PABPC4L: variants seen among roughly 807,000 people sequenced by gnomAD.
PABPC4L encodes polyadenylate-binding protein 4-like.
For missense variants in PABPC4L, 452 were observed against 451.4 expected, an observed-to-expected ratio of 1.00 and a Z score of -0.01; for synonymous variants, 169 against 164.1, an observed-to-expected ratio of 1.03 and a Z score of -0.23.
the PABPC4L span, among the ~76,000 whole-genome samples, chr4:134,048,781 T>C: frequency 1.3e-5 from 2 of 152,050 alleles, no homozygotes; most frequent in African/African-American, 4.8e-5. Context: ...TTTAATTATG[T>C]GATGTTCCAG....
At chr4:133,979,125 A>C in the PABPC4L span, among the ~76,000 whole-genome samples, 1 of 152,180 alleles carries the variant, frequency 6.6e-6, no homozygotes, top group Non-Finnish European at 1.5e-5. Context: ...TGATATCGAA[A>C]AGATCTAACA....
the PABPC4L span, among the ~76,000 whole-genome samples, chr4:134,043,940 CTG>C: frequency 1.1e-4 from 17 of 149,500 alleles, no homozygotes; most frequent in South Asian, 3.6e-3. Context: ...CGACGGATGT[CTG>C]TGTGTGTGTG....
chr4:134,083,817 A>T, the PABPC4L span, among the ~76,000 whole-genome samples: 1 of 152,164 alleles, frequency 6.6e-6, no homozygotes, highest in African/African-American at 2.4e-5. Flanking sequence ...CTGAAAGGCA[A>T]ATGTATGTTT....
the PABPC4L span, among the ~76,000 whole-genome samples, chr4:134,183,079 A>G: frequency 6.6e-6 from 1 of 152,070 alleles, no homozygotes; most frequent in East Asian, 1.9e-4. Context: ...CAGAATTACC[A>G]TTCAACCCAG....
chr4:134,170,166 G>T, the PABPC4L span, among the ~76,000 whole-genome samples: 1 of 152,012 alleles, frequency 6.6e-6, no homozygotes, highest in Non-Finnish European at 1.5e-5. Context: ...GCATTACTTG[G>T]CTTGGTATAA....
At chr4:134,002,492 CTT>C in the PABPC4L span, among the ~76,000 whole-genome samples, 2 of 151,830 alleles carry the variant, frequency 1.3e-5, no homozygotes, top group African/African-American at 2.4e-5. Context: ...ATAATCCTAA[CTT>C]AACTGAAAAT....
the PABPC4L span, among the ~76,000 whole-genome samples, chr4:134,172,213 AT>A: frequency 2.6e-5 from 4 of 152,298 alleles, no homozygotes; most frequent in Non-Finnish European, 5.9e-5. Flanking sequence ...AGCCAAGGCA[AT>A]TCTAAGCAAA....
chr4:134,039,055 T>G, the PABPC4L span, among the ~76,000 whole-genome samples: 1 of 152,288 alleles, frequency 6.6e-6, no homozygotes, highest in Non-Finnish European at 1.5e-5. Context: ...AGAATATCTT[T>G]ATTTCTGCCT....
chr4:134,154,757 ATTTT>A, the PABPC4L span, among the ~76,000 whole-genome samples: 1 of 151,744 alleles, frequency 6.6e-6, no homozygotes, highest in East Asian at 1.9e-4. Flanking sequence ...TGACAGTAGA[ATTTT>A]TTTAATTTTT....
chr4:134,062,121 G>A, the PABPC4L span, among the ~76,000 whole-genome samples: 1 of 151,584 alleles, frequency 6.6e-6, no homozygotes, highest in Non-Finnish European at 1.5e-5. Context: ...AAAAAACATA[G>A]GAACTCTGCC....
chr4:134,128,743 A>C, the PABPC4L span, among the ~76,000 whole-genome samples: 1 of 152,128 alleles, frequency 6.6e-6, no homozygotes, highest in Admixed American at 6.6e-5. Context: ...AAAAATAAAA[A>C]TAAAGAAATA....
chr4:134,055,159 A>T, the PABPC4L span, among the ~76,000 whole-genome samples: 12 of 152,050 alleles, frequency 7.9e-5, no homozygotes, highest in Non-Finnish European at 1.5e-4. Context: ...AAAATCATAT[A>T]TTGAAGCTCT....
At chr4:134,015,396 A>G in the PABPC4L span, among the ~76,000 whole-genome samples, 6 of 152,068 alleles carry the variant, frequency 3.9e-5, no homozygotes, top group South Asian at 1.0e-3. Context: ...TCCACAATCC[A>G]TTATTCTGTT....
At chr4:134,073,474 GTGT>G in the PABPC4L span, among the ~76,000 whole-genome samples, 1 of 152,160 alleles carries the variant, frequency 6.6e-6, no homozygotes, top group African/African-American at 2.4e-5. Flanking sequence ...TCACGGGCTG[GTGT>G]TGTGTCTGAG....
chr4:134,162,660 T>C, the PABPC4L span, among the ~76,000 whole-genome samples: 1 of 152,092 alleles, frequency 6.6e-6, no homozygotes, highest in African/African-American at 2.4e-5. Context: ...CTATCAAGTA[T>C]CTTCTCAAGG....
the PABPC4L span, among the ~76,000 whole-genome samples, chr4:133,984,497 T>C: frequency 3.3e-5 from 5 of 152,012 alleles, no homozygotes; most frequent in East Asian, 9.7e-4. Context: ...GATCTAAATA[T>C]AATTGTATAT....
the PABPC4L span, among the ~76,000 whole-genome samples, chr4:134,035,640 A>T: frequency 1.4e-4 from 21 of 151,988 alleles, no homozygotes; most frequent in Admixed American, 2.6e-4. Flanking sequence ...AAGTAAGAAG[A>T]TTTCCAACAA....
chr4:134,119,329 T>C, the PABPC4L span, among the ~76,000 whole-genome samples: 3 of 151,722 alleles, frequency 2.0e-5, no homozygotes, highest in Non-Finnish European at 1.5e-5. Flanking sequence ...CTGATATAAT[T>C]TTAAATGCTT....
the PABPC4L span, among the ~76,000 whole-genome samples, chr4:134,026,984 T>G: frequency 3.9e-5 from 6 of 152,090 alleles, no homozygotes; most frequent in Non-Finnish European, 8.8e-5. Context: ...AAAAAAAAAT[T>G]TACGTTTTCT....
Sources: allele counts gnomAD v4.1 joint callset (sites outside exome capture counted in the v4.1 genomes callset), GRCh38; gene constraint gnomAD v4.1.1; transcripts MANE v1.5; gene names NCBI Gene and HGNC (gene_info 2026-07-23, HGNC 2026-07-21).